CELSR1: variants seen among roughly 807,000 people sequenced by gnomAD.
CELSR1 encodes cadherin EGF LAG seven-pass G-type receptor 1.
A neutral mutation model predicts 249.1 loss-of-function variants in CELSR1; 110 were observed. That is an observed-to-expected ratio of 0.44 (90% CI 0.38 to 0.52). CELSR1 has a LOEUF of 0.52. Among genes scored for constraint, CELSR1 ranks in the 20% least tolerant of loss-of-function variants. CELSR1 has a pLI of 0.00. For missense variants in CELSR1, 4,109 were observed against 4,296.4 expected, an observed-to-expected ratio of 0.96 and a Z score of 1.22; for synonymous variants, 2,113 against 1,900.0, an observed-to-expected ratio of 1.11 and a Z score of -2.92.
rs960030144 is a variant in CELSR1, at chr22:46,473,049, C to T, written c.3545-8704G>A. The stretch of plus-strand genomic sequence containing the variant: ...AGTCAACCCCGGGAATGCAGAGTAG[C>T]GGAGAGACACGGGCACGGAGGCAGG... On this transcript the variant is annotated intron_variant, in intron 1 of 34. Coordinates refer to ENST00000674500, the MANE Select transcript of CELSR1 (RefSeq NM_001378328.1). This position sits in a 1 kb window ranked among gnomAD's most constrained non-coding sequence, Gnocchi z 6.6. Among the ~76,000 whole-genome samples, 6 of 152,024 alleles carry T rather than the reference C, an allele frequency of 3.9e-5. No homozygotes were observed. Among genetic ancestry groups the T allele is most frequent in the Non-Finnish European group, 8.8e-5 (6 of 68,010 alleles).
chr22:46,366,391 G>A lies in CELSR1; in HGVS notation c.8295C>T (p.Ile2765=), dbSNP rs778864028. ...ACCCGGAGCTGCGGCCTGACCTGAC[G>A]ATGCTGTCCAGCGAGGCGGTGGACT... ...LGESTASLDS[I]VRDEGIQKLG... is the part of the protein sequence containing the mutation. The change falls in exon 30 of 35, where the codon ATC becomes ATT. Residue 2765 remains isoleucine (I), a synonymous_variant. Coordinates refer to ENST00000674500, the MANE Select transcript of CELSR1 (RefSeq NM_001378328.1). 42 of 1,548,552 alleles carry A rather than the reference G, an allele frequency of 2.7e-5. No individual in the cohort carries two copies. Among genetic ancestry groups the A allele is most frequent in the Admixed American group, 1.4e-4 (7 of 50,860 alleles).
In CELSR1 at chr22:46,447,887, T is replaced by C. The variant is rs1807737; in HGVS notation, c.4184-8476A>G. On this transcript the variant is annotated intron_variant, in intron 2 of 34. Coordinates refer to ENST00000674500, the MANE Select transcript of CELSR1 (RefSeq NM_001378328.1). The surrounding 1 kb of genome is among the most constrained non-coding windows in gnomAD (Gnocchi z 4.7). Reference sequence around the variant, plus strand: ...TGCTCGCCTTAGCCTCCCAAAGTGCTGGGATTACAGGTGCGAGCCACCACA... The same window carrying C: ...TGCTCGCCTTAGCCTCCCAAAGTGCCGGGATTACAGGTGCGAGCCACCACA... Among the ~76,000 whole-genome samples, 71,589 of 152,080 alleles carry C rather than the reference T, an allele frequency of 0.47. 17,649 individuals are homozygous for C. The highest frequency in any genetic ancestry group is 0.6 in the African/African-American group (25,076 of 41,488).
intron 1 of CELSR1, among the ~76,000 whole-genome samples, chr22:46,513,153 C>T (rs1027494153): frequency 6.6e-6 from 1 of 152,176 alleles, no homozygotes; most frequent in African/African-American, 2.4e-5. Flanking sequence ...GGGGACAATA[C>T]ACCTGGGGAC....
intron 1 of CELSR1, among the ~76,000 whole-genome samples, chr22:46,465,898 C>T (rs1205153082): frequency 6.6e-6 from 1 of 152,214 alleles, no homozygotes; most frequent in Non-Finnish European, 1.5e-5. Context: ...ACCCCAGTAA[C>T]GACACTCGGG....
At position 46,536,815 on chromosome 22, in the gene CELSR1, C is replaced by G. The variant is rs1270177303; in HGVS notation, c.356G>C (p.Arg119Pro). The G allele has an allele frequency of 2.5e-6, 3 of 1,203,392 alleles. No individual in the cohort carries two copies. The highest frequency in any genetic ancestry group is 3.1e-6 in the Non-Finnish European group (3 of 971,298). 74.5% of individuals were successfully genotyped at this position (1,203,392 alleles called of 1,614,324 possible). The stretch of plus-strand genomic sequence containing the variant: ...GAGCCGGGCACCGGTTCCGCAGAGC[C>G]GGGCACGGGCTCCGCAGCCGGGAAG... ...THLPGCGARA[R>P]LCGTGARLCG... Residue 119 changes from arginine to proline, a missense_variant, in exon 1 of 35, where the codon CGG becomes CCG. Arg to Pro is a moderately radical substitution (Grantham distance 103). Transcript: ENST00000674500.
chr22:46,495,426 G>C (rs539032412), intron 1 of CELSR1, among the ~76,000 whole-genome samples: 1 of 152,338 alleles, frequency 6.6e-6, no homozygotes, highest in African/African-American at 2.4e-5. Context: ...TTCAGGACTG[G>C]AAGTTGCCCT....
intron 5 of CELSR1, among the ~76,000 whole-genome samples, chr22:46,414,450 C>T (rs1259437685): frequency 3.3e-5 from 5 of 152,198 alleles, no homozygotes; most frequent in Non-Finnish European, 5.9e-5. Flanking sequence ...CCATCCCTCT[C>T]CTGTCACCCC....
intron 2 of CELSR1, among the ~76,000 whole-genome samples, chr22:46,458,388 G>A (rs756781500): frequency 6.6e-6 from 1 of 152,210 alleles, no homozygotes; most frequent in Non-Finnish European, 1.5e-5. Flanking sequence ...GATCGTCAGG[G>A]CAGGACGAGG....
chr22:46,533,489 G>C, intron 1 of CELSR1, 138 bp downstream of exon 1: 1 of 1,287,230 alleles, frequency 7.8e-7, no homozygotes, highest in South Asian at 1.5e-5. Flanking sequence ...CATCCAACCG[G>C]CGGCAACAAA....
Position 46,433,373 on chromosome 22 carries a change from A to G in CELSR1, c.4611+20T>C, listed in dbSNP as rs1383372756. Reference sequence around the variant, plus strand: ...TCGAGCCGCCCTGGGGCCAGGGGGAAGTGGTGGGGCCCATCTTACCTTGTT... The same window carrying G: ...TCGAGCCGCCCTGGGGCCAGGGGGAGGTGGTGGGGCCCATCTTACCTTGTT... On this transcript the variant is annotated intron_variant, in intron 5 of 34. Coordinates refer to ENST00000674500, the MANE Select transcript of CELSR1 (RefSeq NM_001378328.1). The surrounding 1 kb of genome is among the most constrained non-coding windows in gnomAD (Gnocchi z 5.7). 3.1e-6 allele frequency: 5 copies of G among 1,601,290 alleles called. No individual in the cohort carries two copies. In the South Asian group the frequency reaches 3.3e-5, roughly 11 times the overall value.
chr22:46,453,076 G>C (rs2079904883), intron 2 of CELSR1, among the ~76,000 whole-genome samples: 1 of 152,220 alleles, frequency 6.6e-6, no homozygotes, highest in African/African-American at 2.4e-5. Context: ...GGAGAGGGCT[G>C]GCCCTGCCAT....
chr22:46,497,323 C>G (rs73888528), intron 1 of CELSR1, among the ~76,000 whole-genome samples: 90 of 152,292 alleles, frequency 5.9e-4, no homozygotes, highest in African/African-American at 2.1e-3. Context: ...TTATCTCATC[C>G]TTTTCAATGT....
At position 46,394,180 on chromosome 22, in the gene CELSR1, G is replaced by A; in HGVS notation, c.5926C>T (p.Pro1976Ser). ...CHCAVSKGFD[P>S]DCNKTNGQCQ... The stretch of plus-strand genomic sequence containing the variant: ...TGGCCGTTGGTCTTATTACAGTCGG[G>A]ATCAAAGCCTTTGCTGACGGCACAG... The change falls in exon 14 of 35, where the codon CCC becomes TCC. Residue 1976 changes from proline (P) to serine (S), a missense_variant. Physicochemically the swap from Pro to Ser is moderately conservative, Grantham distance 74. This residue lies in a region of CELSR1 where 1,805 missense variants were observed against 1,831.6 expected (regional missense o/e 0.99). Coordinates refer to ENST00000674500, the MANE Select transcript of CELSR1 (RefSeq NM_001378328.1). The A allele has an allele frequency of 6.2e-7, 1 of 1,614,138 alleles. No individual in the cohort carries two copies.
chr22:46,416,107 G>T (rs994203207), intron 5 of CELSR1, among the ~76,000 whole-genome samples: 2 of 142,954 alleles, frequency 1.4e-5, no homozygotes. Flanking sequence ...GGTTGCAGAG[G>T]GGGGCGGATA....
intron 1 of CELSR1, among the ~76,000 whole-genome samples, chr22:46,532,105 T>A: frequency 6.6e-6 from 1 of 152,210 alleles, no homozygotes; most frequent in East Asian, 1.9e-4. Flanking sequence ...GGGGCCCACA[T>A]TACTGATACC....
At chr22:46,378,917 C>G (rs928429373) in intron 22 of CELSR1, among the ~76,000 whole-genome samples, 200 bp from the exon 23 acceptor site, 2 of 152,102 alleles carry the variant, frequency 1.3e-5, no homozygotes, top group East Asian at 3.9e-4. Context: ...ACACCGAAGA[C>G]AAGAGCCACC....
chr22:46,468,040 C>T lies in CELSR1; in HGVS notation c.3545-3695G>A, dbSNP rs944558804. ...CCTATGTTCATAGCAGCGCTATTCA[C>T]AAGAGCTGAAACATGGAAGTGACCT... On this transcript the variant is annotated intron_variant, in intron 1 of 34. Transcript: ENST00000674500. The surrounding 1 kb of genome is among the most constrained non-coding windows in gnomAD (Gnocchi z 4.5). Among the ~76,000 whole-genome samples, 11 of 152,062 alleles carry T rather than the reference C, an allele frequency of 7.2e-5. No individual in the cohort carries two copies.
intron 2 of CELSR1, among the ~76,000 whole-genome samples, chr22:46,456,661 TAAAAAAAAAAAAAAAA>T (rs556357746): frequency 5.0e-5 from 3 of 60,270 alleles, no homozygotes; most frequent in African/African-American, 1.2e-4. Context: ...AGACTCTGTC[TAAAAAAAAAAAAAAAA>T]AAAAAAAAAA....
rs1399777106 is a variant in CELSR1 at position 46,436,062 on chromosome 22, G to A, written c.4522+112C>T. The A allele has an allele frequency of 1.3e-5, 10 of 753,124 alleles. No homozygotes were observed. The highest frequency in any genetic ancestry group is 2.2e-5 in the Non-Finnish European group (10 of 448,204). 46.7% of individuals were successfully genotyped at this position (753,124 alleles called of 1,614,324 possible). ...AAGACAGCTTCCTAGACCTACAAGT[G>A]AGGGATGAAAGGGTAAGCAGCTTGG... On this transcript the variant is annotated intron_variant, in intron 4 of 34. Transcript: ENST00000674500. This position sits in a 1 kb window ranked among gnomAD's most constrained non-coding sequence, Gnocchi z 5.9.
Sources: gnomAD v4.1 joint callset for allele counts (sites outside exome capture counted in the v4.1 genomes callset) on GRCh38, gnomAD v4.1.1 for gene constraint, gnomAD v4.1.1 regional missense constraint, Gnocchi (gnomAD v3.1) non-coding constraint, MANE v1.5 for transcripts, NCBI Gene and HGNC (gene_info 2026-07-23, HGNC 2026-07-21) for gene names.